ADGRG2: variants seen among roughly 807,000 people sequenced by gnomAD.
ADGRG2 encodes the protein adhesion G protein-coupled receptor G2, also known as G protein-coupled receptor 64.
ADGRG2 carries 26 observed loss-of-function variants against 74.1 expected under a neutral mutation model. The observed-to-expected ratio is 0.35, with a 90% confidence interval of 0.26 to 0.49. ADGRG2 has a LOEUF of 0.49. Among genes scored for constraint, ADGRG2 ranks in the 20% least tolerant of loss-of-function variants. The pLI is 0.99. For missense variants in ADGRG2, 619 were observed against 763.1 expected, an observed-to-expected ratio of 0.81 and a Z score of 2.22; for synonymous variants, 296 against 295.2, an observed-to-expected ratio of 1.00 and a Z score of -0.03.
intron 3 of ADGRG2, 108 bp downstream of exon 3, chrX:19,068,609 G>A (rs1329696162): frequency 3.3e-5 from 14 of 423,136 alleles, no homozygotes; most frequent in Non-Finnish European, 5.4e-5. Context: ...TGGTTAAAAT[G>A]ATAAATATTA....
chrX:19,004,974 T>A, intron 22 of ADGRG2, 95 bp from the exon 23 acceptor site: 1 of 651,190 alleles, frequency 1.5e-6, no homozygotes, highest in Non-Finnish European at 2.3e-6. Flanking sequence ...ATTCATAGTC[T>A]ATTCAACAAA....
At chrX:19,086,419 C>T (rs1456090113) in intron 1 of ADGRG2, among the ~76,000 whole-genome samples, 2 of 111,431 alleles carry the variant, frequency 1.8e-5, no homozygotes, top group Non-Finnish European at 3.8e-5. Context: ...GGCTGGGAAG[C>T]CACCCAACTT....
chrX:19,067,189 C>A (rs145739188), intron 3 of ADGRG2, among the ~76,000 whole-genome samples: 1,605 of 112,163 alleles, frequency 0.014, 14 homozygotes, highest in Non-Finnish European at 0.021. Flanking sequence ...GAAACTCCCA[C>A]AAATTCTGTA....
At chrX:19,099,191 TA>T (rs371386826) in intron 1 of ADGRG2, among the ~76,000 whole-genome samples, 4,279 of 103,052 alleles carry the variant, frequency 0.042, 206 homozygotes, top group African/African-American at 0.14. Flanking sequence ...CTAAAAAAGT[TA>T]AAAAAAAAAA....
intron 4 of ADGRG2, among the ~76,000 whole-genome samples, chrX:19,037,854 G>A (rs985063436): frequency 4.5e-5 from 5 of 111,673 alleles, no homozygotes; most frequent in Non-Finnish European, 9.4e-5. Context: ...CCTGAGACCC[G>A]TGATTGCAAA....
At chrX:19,071,262 T>G (rs774583727) in intron 2 of ADGRG2, among the ~76,000 whole-genome samples, 1 of 111,894 alleles carries the variant, frequency 8.9e-6, no homozygotes, top group Non-Finnish European at 1.9e-5. Context: ...AATTAATAAA[T>G]TGTATTATGT....
chrX:19,113,581 T>TA (rs1379620415), intron 1 of ADGRG2, among the ~76,000 whole-genome samples: 2 of 111,827 alleles, frequency 1.8e-5, no homozygotes, highest in Non-Finnish European at 3.8e-5. Flanking sequence ...ATTTAGGAGT[T>TA]AAAGTTCTTG....
In ADGRG2 at chrX:18,991,023, C is replaced by A. The variant is rs1569350228; in HGVS notation, c.2895G>T (p.Gly965=). The part of the protein sequence containing the change: ...GNGNASTERN[G]VSFSVQNGDV... ...CTCCATTCTGAACACTAAAAGAGACCCCATTCCTCTCTGTAGAAGCATTTC... is the reference window on the plus strand; with the variant it reads ...CTCCATTCTGAACACTAAAAGAGACACCATTCCTCTCTGTAGAAGCATTTC... Residue 965 remains glycine, a synonymous_variant, in exon 29 of 29, where the codon GGG becomes GGT. Coordinates refer to ENST00000379869, the MANE Select transcript of ADGRG2 (RefSeq NM_001079858.3). 8.4e-7 allele frequency: 1 copy of A among 1,188,955 alleles called. No homozygotes were observed. Among genetic ancestry groups the A allele is most frequent in the African/African-American group, 1.7e-5 (1 of 57,221 alleles).
intron 3 of ADGRG2, among the ~76,000 whole-genome samples, chrX:19,049,455 T>TTTG (rs1555901682): frequency 1.0e-3 from 94 of 90,878 alleles, no homozygotes; most frequent in African/African-American, 3.5e-3. Context: ...TTTTTTTTTT[T>TTTG]TTGTTGTTGT....
intron 1 of ADGRG2, among the ~76,000 whole-genome samples, chrX:19,116,696 G>GA (rs1426433376): frequency 2.7e-5 from 3 of 110,543 alleles, no homozygotes; most frequent in African/African-American, 6.6e-5. Context: ...CATAATAAAT[G>GA]AACTTACTTT....
At chrX:19,009,018 C>T (rs1235460407) in intron 18 of ADGRG2, among the ~76,000 whole-genome samples, 3 of 111,192 alleles carry the variant, frequency 2.7e-5, no homozygotes, top group Non-Finnish European at 5.7e-5. Flanking sequence ...GTTATAATAT[C>T]GAAATGTGAT....
At chrX:19,122,212 C>G (rs1209699940) in intron 1 of ADGRG2, among the ~76,000 whole-genome samples, 1 of 112,751 alleles carries the variant, frequency 8.9e-6, no homozygotes, top group South Asian at 3.5e-4. Flanking sequence ...CTCCCCCAGT[C>G]GGGGAACTAG....
chrX:19,077,370 AGGTAT>A (rs1330036242), intron 2 of ADGRG2, among the ~76,000 whole-genome samples: 1 of 101,979 alleles, frequency 9.8e-6, no homozygotes, highest in Non-Finnish European at 2.0e-5. Flanking sequence ...AAAATTAGCC[AGGTAT>A]GGTGTCAGGT....
chrX:19,005,387 A>C (rs2060208097), intron 22 of ADGRG2, among the ~76,000 whole-genome samples: 1 of 112,410 alleles, frequency 8.9e-6, no homozygotes, highest in African/African-American at 3.2e-5. Flanking sequence ...GTGCATTGCA[A>C]ACTAAACAAT....
intron 3 of ADGRG2, among the ~76,000 whole-genome samples, chrX:19,055,285 T>TGC (rs1462862703): frequency 2.7e-5 from 3 of 111,252 alleles, no homozygotes; most frequent in Non-Finnish European, 5.7e-5. Context: ...TGTGTGTGTG[T>TGC]GCGCGCGCAC....
At position 19,043,280 on chromosome X, in the gene ADGRG2, C is replaced by A. The variant is rs189676951; in HGVS notation, c.119-3056G>T. On this transcript the variant is annotated intron_variant, in intron 3 of 28. Coordinates refer to ENST00000379869, the MANE Select transcript of ADGRG2 (RefSeq NM_001079858.3). ...CACTCCTGGTCCAACCTAGAGGTAT[C>A]CCCACAGGACTTACACTTTTCTGAG... Among the ~76,000 whole-genome samples the A allele has an allele frequency of 6.3e-5, 7 of 111,316 alleles. 1 individual carries two copies. In the Admixed American group the frequency reaches 6.7e-4, roughly 11 times the overall value.
intron 15 of ADGRG2, among the ~76,000 whole-genome samples, chrX:19,017,252 G>A (rs929356651): frequency 8.9e-6 from 1 of 112,049 alleles, no homozygotes; most frequent in Non-Finnish European, 1.9e-5. Context: ...AGTGATGGAT[G>A]TGCACGGTGA....
chrX:19,030,661 T>G (rs1292540826), intron 9 of ADGRG2, among the ~76,000 whole-genome samples: 1 of 112,393 alleles, frequency 8.9e-6, no homozygotes, highest in East Asian at 2.8e-4. Context: ...TCAATAATTA[T>G]TAATGTCTTT....
intron 4 of ADGRG2, among the ~76,000 whole-genome samples, chrX:19,038,381 G>A (rs1320747295): frequency 8.9e-6 from 1 of 111,838 alleles, no homozygotes; most frequent in Non-Finnish European, 1.9e-5. Flanking sequence ...AAGGCACTTT[G>A]GCTGGCCTGC....
Sources: gnomAD v4.1 joint callset for allele counts (sites outside exome capture counted in the v4.1 genomes callset) on GRCh38, gnomAD v4.1.1 for gene constraint, MANE v1.5 for transcripts, NCBI Gene and HGNC (gene_info 2026-07-23, HGNC 2026-07-21) for gene names.